CDH18: variants seen among roughly 807,000 people sequenced by gnomAD.
CDH18 encodes the protein cadherin 18.
In CDH18, 31 loss-of-function variants were observed where a neutral mutation model predicts 67.9. The ratio of observed to expected loss-of-function variants is 0.46; its 90% CI spans 0.34 to 0.62. The LOEUF (loss-of-function observed/expected upper bound fraction) is 0.62. Ranked by LOEUF, CDH18 falls within the 20% of genes least tolerant of loss-of-function variation. The pLI, the probability that CDH18 is intolerant of heterozygous loss-of-function variation, is 0.01. For missense variants in CDH18, 890 were observed against 975.5 expected (o/e 0.91, Z 1.17); for synonymous variants, 362 against 347.2 (o/e 1.04, Z -0.48).
At chr5:19,841,313 C>G (rs1370568585) in intron 2 of CDH18, among the ~76,000 whole-genome samples, 3 of 152,102 alleles carry the variant, frequency 2.0e-5, no homozygotes, top group Admixed American at 2.0e-4. Flanking sequence ...GAGAGCAATA[C>G]TATTCTAGCT....
At chr5:20,551,595 A>C (rs1757637501) in intron 1 of CDH18, among the ~76,000 whole-genome samples, 1 of 152,136 alleles carries the variant, frequency 6.6e-6, no homozygotes, top group Non-Finnish European at 1.5e-5. Flanking sequence ...TTGAGTAACA[A>C]CTCAACTCTA....
chr5:19,514,619 C>T (rs540578038), intron 10 of CDH18, among the ~76,000 whole-genome samples: 57 of 152,124 alleles, frequency 3.7e-4, no homozygotes, highest in African/African-American at 1.2e-3. Context: ...TTTTTTCATG[C>T]GTCTGTTGGC....
intron 6 of CDH18, among the ~76,000 whole-genome samples, chr5:19,593,784 G>A (rs1446336911): frequency 1.7e-5 from 2 of 117,586 alleles, no homozygotes; most frequent in Non-Finnish European, 3.7e-5. Flanking sequence ...TGAGTTGTAG[G>A]AGTTTTATTT....
At chr5:20,396,843 A>G (rs1745322508) in intron 1 of CDH18, among the ~76,000 whole-genome samples, 1 of 152,142 alleles carries the variant, frequency 6.6e-6, no homozygotes, top group Admixed American at 6.5e-5. Context: ...AAACACTTAG[A>G]TTTATTTGTT....
At chr5:20,102,310 A>G (rs1215495541) in intron 2 of CDH18, among the ~76,000 whole-genome samples, 1 of 152,074 alleles carries the variant, frequency 6.6e-6, no homozygotes, top group Non-Finnish European at 1.5e-5. Flanking sequence ...TAAGACAGTG[A>G]AGTACATATT....
chr5:20,382,111 C>T (rs1451083451), intron 1 of CDH18, among the ~76,000 whole-genome samples: 1 of 151,910 alleles, frequency 6.6e-6, no homozygotes, highest in South Asian at 2.1e-4. Context: ...AAATATTGAA[C>T]ATGAAATTAC....
chr5:20,206,461 A>G (rs923373926), intron 2 of CDH18, among the ~76,000 whole-genome samples: 4 of 151,942 alleles, frequency 2.6e-5, no homozygotes, highest in African/African-American at 7.2e-5. Context: ...TAAAGCTTGG[A>G]ATATTTCCAA....
intron 3 of CDH18, among the ~76,000 whole-genome samples, chr5:19,786,518 A>C (rs1004790679): frequency 1.3e-5 from 2 of 152,182 alleles, no homozygotes; most frequent in African/African-American, 4.8e-5. Flanking sequence ...CAGCTCTACA[A>C]GATATTGATC....
At chr5:20,118,364 C>A (rs547258968) in intron 2 of CDH18, among the ~76,000 whole-genome samples, 3 of 152,114 alleles carry the variant, frequency 2.0e-5, no homozygotes. Context: ...ACTAGTATTG[C>A]AAATTGTAAA....
At chr5:19,909,703 A>G (rs1474541894) in intron 2 of CDH18, among the ~76,000 whole-genome samples, 1 of 150,256 alleles carries the variant, frequency 6.7e-6, no homozygotes, top group Admixed American at 6.6e-5. Flanking sequence ...AAAAAAAAAA[A>G]TCTATACATA....
chr5:20,130,416 T>C (rs1749178115), intron 2 of CDH18, among the ~76,000 whole-genome samples: 1 of 120,446 alleles, frequency 8.3e-6, no homozygotes. Context: ...TTTTTTTTTT[T>C]TCACTTACGA....
chr5:20,086,599 G>T (rs567598242), intron 2 of CDH18, among the ~76,000 whole-genome samples: 1 of 152,218 alleles, frequency 6.6e-6, no homozygotes, highest in South Asian at 2.1e-4. Context: ...TAAAGCCATT[G>T]CTCATTTACC....
intron 2 of CDH18, among the ~76,000 whole-genome samples, chr5:20,029,120 T>C (rs1296390436): frequency 6.6e-6 from 1 of 152,166 alleles, no homozygotes; most frequent in Non-Finnish European, 1.5e-5. Context: ...CTAAATTATA[T>C]ATTGAAATCC....
chr5:20,493,298 G>T (rs564012379), intron 1 of CDH18, among the ~76,000 whole-genome samples: 21 of 127,604 alleles, frequency 1.6e-4, no homozygotes, highest in African/African-American at 5.9e-4. Flanking sequence ...GCAGTGAGCC[G>T]AGATCATGCA....
chr5:20,007,426 A>C (rs1300766834), intron 2 of CDH18, among the ~76,000 whole-genome samples: 12 of 152,126 alleles, frequency 7.9e-5, no homozygotes, highest in Non-Finnish European at 1.5e-4. Flanking sequence ...GCTTGAAAAA[A>C]ATTGTTGAAT....
At chr5:20,241,689 A>G (rs899034969) in intron 2 of CDH18, among the ~76,000 whole-genome samples, 1 of 151,524 alleles carries the variant, frequency 6.6e-6, no homozygotes, top group African/African-American at 2.4e-5. Context: ...ATCTCTACTA[A>G]AAATACAAAA....
chr5:20,527,383 CATT>C (rs1404863905), intron 1 of CDH18, among the ~76,000 whole-genome samples: 2 of 151,916 alleles, frequency 1.3e-5, no homozygotes, highest in Non-Finnish European at 2.9e-5. Flanking sequence ...CAAGACAAGC[CATT>C]ATTCAGATTC....
intron 12 of CDH18, among the ~76,000 whole-genome samples, chr5:19,474,727 C>T (rs982496521): frequency 6.6e-6 from 1 of 152,066 alleles, no homozygotes. Flanking sequence ...ATTTCAAAGA[C>T]ATGAAATAAT....
chr5:20,519,477 G>A (rs1361283391), intron 1 of CDH18, among the ~76,000 whole-genome samples: 5 of 152,100 alleles, frequency 3.3e-5, no homozygotes, highest in African/African-American at 1.2e-4. Flanking sequence ...TTGTGGAGTG[G>A]GAGGAGAGGG....
Sources: allele counts gnomAD v4.1 joint callset (sites outside exome capture counted in the v4.1 genomes callset), GRCh38; gene constraint gnomAD v4.1.1; transcripts MANE v1.5; gene names NCBI Gene and HGNC (gene_info 2026-07-23, HGNC 2026-07-21).